Variants in LARGE1 observed in about 807,000 individuals in gnomAD.
LARGE1 encodes the protein LARGE xylosyl- and glucuronyltransferase 1, also known as xylosyl- and glucuronyltransferase LARGE1.
A neutral mutation model predicts 87.6 loss-of-function variants in LARGE1; 43 were observed. The ratio of observed to expected loss-of-function variants is 0.49; its 90% CI spans 0.38 to 0.63. The LOEUF is 0.63. Among genes scored for constraint, LARGE1 ranks in the 30% least tolerant of loss-of-function variants. LARGE1 has a pLI of 0.00. For missense variants in LARGE1, 802 were observed against 1,000.2 expected (o/e 0.80, Z 2.67); for synonymous variants, 434 against 394.6 (o/e 1.10, Z -1.18).
intron 9 of LARGE1, among the ~76,000 whole-genome samples, chr22:33,364,780 T>C (rs2064524365): frequency 6.6e-6 from 1 of 152,208 alleles, no homozygotes; most frequent in Non-Finnish European, 1.5e-5. Context: ...CACTGCATCC[T>C]CTGCCTCCTG....
chr22:33,632,565 C>T (rs1040150974), intron 3 of LARGE1, among the ~76,000 whole-genome samples: 5 of 151,858 alleles, frequency 3.3e-5, no homozygotes, highest in Non-Finnish European at 5.9e-5. Context: ...ACACAAGTTC[C>T]AGTCCTTGCT....
chr22:33,668,880 G>T lies in LARGE1; in HGVS notation c.107-18212C>A, dbSNP rs185217425. Among the ~76,000 whole-genome samples the T allele has an allele frequency of 3.3e-3, 508 of 152,300 alleles. 7 individuals are homozygous for T. The highest frequency in any genetic ancestry group is 4.0e-3 in the Non-Finnish European group (275 of 68,020). On this transcript the variant is annotated intron_variant, in intron 2 of 14. Transcript: ENST00000397394. Reference sequence around the variant, plus strand: ...TTGGAAGTAGTGTAAGTATGTAATGGCGTAAAAAGATGGATAGAAACAGAT... The same window carrying T: ...TTGGAAGTAGTGTAAGTATGTAATGTCGTAAAAAGATGGATAGAAACAGAT...
rs190665918 is a variant in LARGE1 at position 33,235,778 on chromosome 22, G to C, written c.1730+68451C>G. Among the ~76,000 whole-genome samples, 168 of 152,272 alleles carry C rather than the reference G, an allele frequency of 1.1e-3. 1 individual carries two copies. Among genetic ancestry groups the C allele is most frequent in the Non-Finnish European group, 1.6e-3 (108 of 68,026 alleles). ...AAACTGGCACAGAATCTCTCCTACA[G>C]TATTCTAGTGGTCAAAGCAATCACA... On this transcript the variant is annotated intron_variant, in intron 11 of 11. Transcript: ENST00000608642.
At chr22:33,289,174 G>A (rs1182916143) in intron 12 of LARGE1, among the ~76,000 whole-genome samples, 5 of 152,134 alleles carry the variant, frequency 3.3e-5, no homozygotes, top group Non-Finnish European at 7.4e-5. Flanking sequence ...TAGCCAGGAT[G>A]GTCTCGATCT....
chr22:33,455,867 A>G (rs150820932), intron 6 of LARGE1, among the ~76,000 whole-genome samples: 4 of 152,230 alleles, frequency 2.6e-5, no homozygotes, highest in Non-Finnish European at 5.9e-5. Context: ...TTTGAATACT[A>G]ACTTTGCTTT....
At chr22:33,686,636 TCAG>T (rs2081952954) in intron 2 of LARGE1, among the ~76,000 whole-genome samples, 1 of 150,978 alleles carries the variant, frequency 6.6e-6, no homozygotes, top group Non-Finnish European at 1.5e-5. Flanking sequence ...CAAACACTAC[TCAG>T]CATGTCCATT....
chr22:33,604,257 G>A (rs1300943658), intron 5 of LARGE1, among the ~76,000 whole-genome samples, 178 bp downstream of exon 5: 4 of 152,216 alleles, frequency 2.6e-5, no homozygotes, highest in Non-Finnish European at 5.9e-5. Context: ...TGCACTCAAA[G>A]GGGTTACTTT....
chr22:33,212,433 T>C lies in LARGE1; in HGVS notation c.1731-45601A>G, dbSNP rs543761771. ...ATATTTTAAGCCCAGTGTTGAGAAA[T>C]ATTATTCAGAAAAAATATTTCTTTC... On this transcript the variant is annotated intron_variant, in intron 11 of 11. Coordinates refer to the LARGE1 transcript ENST00000608642. Among the ~76,000 whole-genome samples the C allele has an allele frequency of 4.6e-5, 7 of 152,322 alleles. No homozygotes were observed. In the East Asian group the frequency reaches 1.4e-3, roughly 29 times the overall value.
intron 9 of LARGE1, among the ~76,000 whole-genome samples, chr22:33,355,549 T>C (rs888128945): frequency 1.3e-5 from 2 of 152,336 alleles, no homozygotes; most frequent in African/African-American, 2.4e-5. Flanking sequence ...CCTTTGTCTC[T>C]TGCTCACCTT....
At chr22:33,352,699 T>C (rs1601557116) in intron 9 of LARGE1, among the ~76,000 whole-genome samples, 1 of 151,892 alleles carries the variant, frequency 6.6e-6, no homozygotes, top group African/African-American at 2.4e-5. Flanking sequence ...GAGGTGGAGG[T>C]TGCAGTGAGC....
At chr22:33,625,790 A>G (rs1295919538) in intron 4 of LARGE1, among the ~76,000 whole-genome samples, 1 of 152,168 alleles carries the variant, frequency 6.6e-6, no homozygotes, top group Non-Finnish European at 1.5e-5. Context: ...ATTAGGGCCT[A>G]CACTAATGAC....
chr22:33,449,735 A>G (rs2067834658), intron 6 of LARGE1, among the ~76,000 whole-genome samples: 1 of 152,256 alleles, frequency 6.6e-6, no homozygotes, highest in Non-Finnish European at 1.5e-5. Flanking sequence ...ATCAATTGCC[A>G]GTCTTTTGCC....
chr22:33,304,246 C>A lies in LARGE1; in HGVS notation c.1713G>T (p.Gly571=). ...LSDIDFLPMY[G]LYEYLRKSVI... ...GTCCTTACCTGAGGTACTCATAGAG[C>A]CCATACATGGGCAGGAAGTCAATGT... Residue 571 remains glycine (G), a synonymous_variant, in exon 12 of 15, where the codon GGG becomes GGT. Coordinates refer to ENST00000397394, the MANE Select transcript of LARGE1 (RefSeq NM_133642.5). 1.2e-6 allele frequency: 2 copies of A among 1,614,204 alleles called. No individual in the cohort carries two copies. The highest frequency in any genetic ancestry group is 1.7e-6 in the Non-Finnish European group (2 of 1,180,038).
chr22:33,617,625 C>T (rs1485609019), intron 4 of LARGE1, among the ~76,000 whole-genome samples: 1 of 152,186 alleles, frequency 6.6e-6, no homozygotes, highest in African/African-American at 2.4e-5. Flanking sequence ...AAAGCTTCTG[C>T]CTGGCCAGGC....
intron 6 of LARGE1, among the ~76,000 whole-genome samples, chr22:33,487,994 T>C (rs5998965): frequency 0.032 from 4,911 of 152,322 alleles, 257 homozygotes; most frequent in African/African-American, 0.11. Context: ...CTACTCATGT[T>C]AGCCTCAGAG....
chr22:33,921,054 G>C (rs1053252986), upstream of LARGE1, among the ~76,000 whole-genome samples: 3 of 150,440 alleles, frequency 2.0e-5, no homozygotes, highest in Non-Finnish European at 4.5e-5. This position sits in a 1 kb window ranked among gnomAD's most constrained non-coding sequence, Gnocchi z 4.1. Flanking sequence ...ACCGCGAGCC[G>C]GGGCTGGGTT....
intron 11 of LARGE1, among the ~76,000 whole-genome samples, chr22:33,263,799 A>G (rs1209770346): frequency 6.6e-6 from 1 of 152,264 alleles, no homozygotes; most frequent in East Asian, 1.9e-4. Flanking sequence ...CATGAAATGC[A>G]CGATGAAGGA....
At chr22:33,071,951 T>A in the LARGE1 span, among the ~76,000 whole-genome samples, 1 of 152,212 alleles carries the variant, frequency 6.6e-6, no homozygotes, top group Non-Finnish European at 1.5e-5. Flanking sequence ...CTGGAGCTAC[T>A]ACCCGGCCGT....
chr22:33,389,148 A>C (rs1397092810), intron 7 of LARGE1, among the ~76,000 whole-genome samples: 1 of 152,204 alleles, frequency 6.6e-6, no homozygotes, highest in Non-Finnish European at 1.5e-5. Flanking sequence ...GCATGACAAG[A>C]CTGGGCTACG....
Sources: allele counts gnomAD v4.1 joint callset (sites outside exome capture counted in the v4.1 genomes callset), GRCh38; gene constraint gnomAD v4.1.1; non-coding constraint Gnocchi (gnomAD v3.1); transcripts MANE v1.5; gene names NCBI Gene and HGNC (gene_info 2026-07-23, HGNC 2026-07-21).